Variants in RAPGEF2 observed in about 807,000 individuals in gnomAD.
RAPGEF2 encodes the protein PDZ domain containing guanine nucleotide exchange factor (GEF) 1.
In RAPGEF2, 54 loss-of-function variants were observed where a neutral mutation model predicts 186.7. The ratio of observed to expected loss-of-function variants is 0.29; its 90% CI spans 0.23 to 0.36. The LOEUF (loss-of-function observed/expected upper bound fraction) is 0.36, where lower values mean the gene tolerates loss of function less well. Ranked by LOEUF, RAPGEF2 falls within the 10% of genes least tolerant of loss-of-function variation. RAPGEF2 has a pLI of 1.00. For synonymous variants in RAPGEF2, 712 were observed against 705.9 expected, an observed-to-expected ratio of 1.01 and a Z score of -0.14; for missense variants, 1,532 against 2,045.0, an observed-to-expected ratio of 0.75 and a Z score of 4.84.
At chr4:159,303,362 G>T (rs17038040) in intron 7 of RAPGEF2, among the ~76,000 whole-genome samples, 3,785 of 152,152 alleles carry the variant, frequency 0.025, 157 homozygotes, top group African/African-American at 0.086. Flanking sequence ...ATAACTATTT[G>T]CCAGCTAAAT....
chr4:159,304,874 A>AT (rs1763095068), intron 8 of RAPGEF2, among the ~76,000 whole-genome samples: 1 of 152,070 alleles, frequency 6.6e-6, no homozygotes, highest in South Asian at 2.1e-4. Flanking sequence ...ACTGCTTATC[A>AT]TTCCACACTC....
At chr4:159,198,260 C>CTT (rs145867596) in intron 3 of RAPGEF2, among the ~76,000 whole-genome samples, 4,944 of 63,616 alleles carry the variant, frequency 0.078, 261 homozygotes, top group Non-Finnish European at 0.096. Flanking sequence ...TTCTTTCTTT[C>CTT]TCTTTCTTTC....
At chr4:159,223,254 A>T (rs1751709815) in intron 4 of RAPGEF2, among the ~76,000 whole-genome samples, 1 of 152,162 alleles carries the variant, frequency 6.6e-6, no homozygotes, top group African/African-American at 2.4e-5. Context: ...AATAGAAAAT[A>T]GAATTTCTGC....
chr4:159,302,530 G>A (rs992392615), intron 7 of RAPGEF2, among the ~76,000 whole-genome samples: 4 of 151,882 alleles, frequency 2.6e-5, no homozygotes, highest in African/African-American at 9.7e-5. Context: ...TAGCTAAGAC[G>A]ATGAAGGGTA....
chr4:159,208,139 TG>T (rs144359711), intron 3 of RAPGEF2, among the ~76,000 whole-genome samples: 6,699 of 152,202 alleles, frequency 0.044, 512 homozygotes, highest in African/African-American at 0.15. Context: ...AGAATGGACT[TG>T]GGGGGAAAGA....
At chr4:159,300,555 A>G (rs1762525657) in intron 7 of RAPGEF2, among the ~76,000 whole-genome samples, 1 of 152,124 alleles carries the variant, frequency 6.6e-6, no homozygotes, top group Non-Finnish European at 1.5e-5. Flanking sequence ...AATACATAAA[A>G]TGTGTTACTT....
chr4:159,237,730 G>A (rs1753432324), intron 4 of RAPGEF2, among the ~76,000 whole-genome samples: 1 of 150,522 alleles, frequency 6.6e-6, no homozygotes, highest in Non-Finnish European at 1.5e-5. Flanking sequence ...TTTAATATTA[G>A]GCTCACATCT....
chr4:159,342,889 A>G (rs1156827573), intron 20 of RAPGEF2, 90 bp from the exon 21 acceptor site: 5 of 1,119,054 alleles, frequency 4.5e-6, no homozygotes, highest in Non-Finnish European at 6.4e-6. Context: ...ATGCATATAA[A>G]GCATAAACAT....
intron 3 of RAPGEF2, among the ~76,000 whole-genome samples, chr4:159,199,406 T>C (rs1284446615): frequency 6.6e-6 from 1 of 152,154 alleles, no homozygotes; most frequent in Non-Finnish European, 1.5e-5. Context: ...GTAGGGACTA[T>C]GTTTGTTTCA....
chr4:159,305,214 T>A (rs1269726019), intron 8 of RAPGEF2, among the ~76,000 whole-genome samples: 1 of 152,210 alleles, frequency 6.6e-6, no homozygotes, highest in Non-Finnish European at 1.5e-5. Flanking sequence ...GATTGGTAGA[T>A]TGAATCGTAG....
intron 1 of RAPGEF2, among the ~76,000 whole-genome samples, chr4:159,140,634 A>G (rs1214008804): frequency 2.0e-5 from 3 of 152,158 alleles, no homozygotes; most frequent in Admixed American, 2.0e-4. Context: ...GATCAAGATG[A>G]GGAAAGGTTC....
rs1049907974 is a variant in RAPGEF2, at chr4:159,126,993, G to T, written c.69+22762G>T. Among the ~76,000 whole-genome samples the T allele has an allele frequency of 8.5e-5, 13 of 152,218 alleles. No individual in the cohort carries two copies. The South Asian group carries it at 2.5e-3, about 29-fold the overall frequency. On this transcript the variant is annotated intron_variant, in intron 1 of 29. Transcript: ENST00000691494. Reference sequence around the variant, plus strand: ...TGTAAAGAGGTAACTGTGGTTTGTGGATGAAAACATTTGTTTATTTGCATT... The same window carrying T: ...TGTAAAGAGGTAACTGTGGTTTGTGTATGAAAACATTTGTTTATTTGCATT...
chr4:159,288,871 C>T (rs148563497), intron 7 of RAPGEF2, among the ~76,000 whole-genome samples: 216 of 152,256 alleles, frequency 1.4e-3, no homozygotes, highest in African/African-American at 5.0e-3. Flanking sequence ...GTAAAGCTTT[C>T]CTTCCACATC....
chr4:159,148,272 C>T (rs114676931), intron 1 of RAPGEF2, among the ~76,000 whole-genome samples: 3,149 of 152,076 alleles, frequency 0.021, 109 homozygotes, highest in African/African-American at 0.071. Flanking sequence ...TTTTATTGAC[C>T]CTGAGTGCCA....
At chr4:159,356,937 G>A (rs555362998) in intron 29 of RAPGEF2, among the ~76,000 whole-genome samples, 2 of 152,294 alleles carry the variant, frequency 1.3e-5, no homozygotes, top group African/African-American at 4.8e-5. Flanking sequence ...TCACAAGTTT[G>A]TGCTGTTGTC....
At position 159,359,579 on chromosome 4, in the gene RAPGEF2, C is replaced by T. The variant is rs900370085; in HGVS notation, c.*1440C>T. On this transcript the variant is annotated 3_prime_UTR_variant, in exon 30 of 30. Transcript: ENST00000691494. Reference sequence around the variant, plus strand: ...AACTGCTGGTCTTGGATTTTTTTTCCATTAAATTCAGCTGATCATATTGAT... The same window carrying T: ...AACTGCTGGTCTTGGATTTTTTTTCTATTAAATTCAGCTGATCATATTGAT... The T allele has an allele frequency of 1.3e-5, 2 of 152,086 alleles. No homozygotes were observed. Among genetic ancestry groups the T allele is most frequent in the African/African-American group, 4.8e-5 (2 of 41,422 alleles). 9.4% of individuals were successfully genotyped at this position (152,086 alleles called of 1,614,324 possible).
At chr4:159,279,940 C>T (rs1187942551) in intron 7 of RAPGEF2, among the ~76,000 whole-genome samples, 1 of 152,134 alleles carries the variant, frequency 6.6e-6, no homozygotes, top group East Asian at 1.9e-4. Flanking sequence ...CCGCCTCGGC[C>T]TCCCAAAGTG....
intron 1 of RAPGEF2, among the ~76,000 whole-genome samples, chr4:159,126,855 A>G (rs569282856): frequency 4.6e-5 from 7 of 152,336 alleles, no homozygotes; most frequent in Admixed American, 2.0e-4. Flanking sequence ...CTCATTGTCA[A>G]GTAGAACCCC....
At chr4:159,225,497 T>C (rs567724253) in intron 4 of RAPGEF2, among the ~76,000 whole-genome samples, 1 of 152,326 alleles carries the variant, frequency 6.6e-6, no homozygotes, top group African/African-American at 2.4e-5. Context: ...CTTGGAAAGG[T>C]ACCTAGGGGT....
Sources: gnomAD v4.1 joint callset for allele counts (sites outside exome capture counted in the v4.1 genomes callset) on GRCh38, gnomAD v4.1.1 for gene constraint, MANE v1.5 for transcripts, NCBI Gene and HGNC (gene_info 2026-07-23, HGNC 2026-07-21) for gene names.